The following NEDD9 variants were observed in gnomAD, a reference collection of about 807,000 sequenced individuals.
The protein encoded by NEDD9 is enhancer of filamentation 1.
In NEDD9, 26 loss-of-function variants were observed where a neutral mutation model predicts 76.6. The ratio of observed to expected loss-of-function variants is 0.34; its 90% CI spans 0.25 to 0.47. The LOEUF is 0.47. Ranked by LOEUF, NEDD9 falls within the 20% of genes least tolerant of loss-of-function variation. The probability of loss-of-function intolerance (pLI) is 1.00; values close to 1 mark genes in which losing one functional copy is unlikely to be tolerated. For synonymous variants in NEDD9, 392 were observed against 414.2 expected (o/e 0.95, Z 0.65); for missense variants, 937 against 1,058.5 (o/e 0.89, Z 1.59).
chr6:11,325,237 C>A (rs972056720), intron 2 of NEDD9, among the ~76,000 whole-genome samples: 8 of 151,974 alleles, frequency 5.3e-5, no homozygotes, highest in Non-Finnish European at 1.5e-5. Flanking sequence ...TGCCTGTAAT[C>A]CCAGCTACTC....
At chr6:11,305,802 G>T (rs1761170079) in intron 3 of NEDD9, 1 of 646,772 alleles carries the variant, frequency 1.5e-6, no homozygotes, top group African/African-American at 1.8e-5. Context: ...GGGCATCAGT[G>T]CATCCATGTA....
Position 11,190,793 on chromosome 6 carries a change from C to G in NEDD9, c.1076G>C (p.Arg359Pro), listed in dbSNP as rs376501953. 6.2e-7 allele frequency: 1 copy of G among 1,614,134 alleles called. No homozygotes were observed. Among genetic ancestry groups the G allele is most frequent in the Middle Eastern group, 1.6e-4 (1 of 6,062 alleles). Reference sequence around the variant, plus strand: ...TCGGTTGATCCCATCCACCAAGTCCCGAGAGCCTTTAGCATCTGGCGGGTT... The same window carrying G: ...TCGGTTGATCCCATCCACCAAGTCCGGAGAGCCTTTAGCATCTGGCGGGTT... ...LHNPPDAKGS[R>P]DLVDGINRLS... The change falls in exon 5 of 7, where the codon CGG becomes CCG. Residue 359 changes from arginine (R) to proline (P), a missense_variant. Arg to Pro is a moderately radical substitution (Grantham distance 103, BLOSUM62 -2). Transcript: ENST00000379446. This position sits in a 1 kb window ranked among gnomAD's most constrained non-coding sequence, Gnocchi z 5.8.
At position 11,252,889 on chromosome 6, in the gene NEDD9, T is replaced by C. The variant is rs571351932; in HGVS notation, c.13-39162A>G. Among the ~76,000 whole-genome samples, 82 of 152,328 alleles carry C rather than the reference T, an allele frequency of 5.4e-4. No individual in the cohort carries two copies. The highest frequency in any genetic ancestry group is 1.9e-3 in the African/African-American group (77 of 41,586). ...CACAGAAATGGAAGTGATAGGAATG[T>C]ATTTTTTTTTTCTCCTAAACTTCAA... is the stretch of plus-strand genomic sequence containing the variant. On this transcript the variant is annotated intron_variant, in intron 3 of 3. Coordinates refer to the NEDD9 transcript ENST00000397378. The surrounding 1 kb of genome is among the most constrained non-coding windows in gnomAD (Gnocchi z 4.3).
chr6:11,197,252 C>CTT lies in NEDD9; in HGVS notation c.460-3562_460-3561dup, dbSNP rs34890588. Among the ~76,000 whole-genome samples, 42 of 144,580 alleles carry CTT rather than the reference C, an allele frequency of 2.9e-4. No individual in the cohort carries two copies. In the East Asian group the frequency reaches 3.8e-3, roughly 13 times the overall value. 94.9% of individuals were successfully genotyped at this position (144,580 alleles called of 152,430 possible). A position where few individuals can be genotyped will look rare whatever the true frequency, so the allele number is the denominator to read the frequency against. On this transcript the variant is annotated intron_variant, in intron 2 of 6. Coordinates refer to ENST00000379446, the MANE Select transcript of NEDD9 (RefSeq NM_006403.4). ...TTCATTTCCTTTCCCCCTCTGTTTGCTTTTTTTTTTTTCTACATTCCTTTC... is the reference window on the plus strand; with the variant it reads ...TTCATTTCCTTTCCCCCTCTGTTTGCTTTTTTTTTTTTTTCTACATTCCTTTC...
At chr6:11,254,862 T>C (rs941495908) in intron 3 of NEDD9, among the ~76,000 whole-genome samples, 50 of 152,340 alleles carry the variant, frequency 3.3e-4, no homozygotes, top group African/African-American at 1.2e-3. Context: ...TTTGGTGTGA[T>C]CTTAAAGTTG....
intron 3 of NEDD9, among the ~76,000 whole-genome samples, chr6:11,291,788 G>T (rs1013069069): frequency 4.6e-5 from 7 of 152,092 alleles, no homozygotes; most frequent in African/African-American, 1.7e-4. Context: ...TCTTAGAAAC[G>T]AATAAAGGCA....
chr6:11,267,798 A>C (rs1221226834), intron 3 of NEDD9, among the ~76,000 whole-genome samples: 1 of 152,208 alleles, frequency 6.6e-6, no homozygotes, highest in African/African-American at 2.4e-5. Context: ...CCAGTTCTCC[A>C]ATAAACTAAT....
At chr6:11,293,337 T>C (rs996594634) in intron 3 of NEDD9, among the ~76,000 whole-genome samples, 1 of 152,184 alleles carries the variant, frequency 6.6e-6, no homozygotes, top group African/African-American at 2.4e-5. Context: ...CAGACCTTTC[T>C]GGCGCCACAG....
In NEDD9 at chr6:11,303,615, T is replaced by C. The variant is rs559565358; in HGVS notation, c.12+2377A>G. Among the ~76,000 whole-genome samples the C allele has an allele frequency of 3.9e-5, 6 of 152,122 alleles. No individual in the cohort carries two copies. In the South Asian group the frequency reaches 1.2e-3, roughly 32 times the overall value. On this transcript the variant is annotated intron_variant, in intron 3 of 3. Transcript: ENST00000397378. ...TGGTACTGGTACCAAAACAGATATA[T>C]AGATCAATGGAACAGAACAGAGGCC...
intron 2 of NEDD9, among the ~76,000 whole-genome samples, chr6:11,323,451 C>G (rs1761855140): frequency 6.6e-6 from 1 of 152,238 alleles, no homozygotes. Context: ...CTCATGGGCT[C>G]AAAGTCACAG....
At chr6:11,233,460 A>G (rs1403087976), upstream of NEDD9, 1 of 518,800 alleles carries the variant, frequency 1.9e-6, no homozygotes, top group Non-Finnish European at 3.8e-6. Flanking sequence ...ATACATCATC[A>G]CCGTCCACTG....
chr6:11,185,473 A>C lies in NEDD9; in HGVS notation c.2194T>G (p.Cys732Gly). 6.2e-7 allele frequency: 1 copy of C among 1,614,236 alleles called. No homozygotes were observed. The highest frequency in any genetic ancestry group is 8.5e-7 in the Non-Finnish European group (1 of 1,180,044). ...CGCGGGGGCTGGGCTGAGCTGACAC[A>C]ACTGAAGAGTGCGTCAATGGCGTTG... ...LLNAIDALFSCVSSAQPPRIF... is the reference protein window; with the variant it reads ...LLNAIDALFSGVSSAQPPRIF... The change falls in exon 7 of 7, where the codon TGT becomes GGT. Residue 732 changes from cysteine (C) to glycine (G), a missense_variant. Transcript: ENST00000379446.
intron 2 of NEDD9, among the ~76,000 whole-genome samples, chr6:11,195,243 A>G (rs1758261437): frequency 6.6e-6 from 1 of 152,210 alleles, no homozygotes; most frequent in Non-Finnish European, 1.5e-5. Flanking sequence ...GCAACGAAGT[A>G]AAAGAGATTA....
intron 1 of NEDD9, among the ~76,000 whole-genome samples, chr6:11,228,320 C>A (rs887819158): frequency 6.6e-6 from 1 of 152,076 alleles, no homozygotes; most frequent in Non-Finnish European, 1.5e-5. Flanking sequence ...CACCTGAGGT[C>A]AAGAGTTCGA....
chr6:11,315,176 G>A (rs942163580), intron 2 of NEDD9, among the ~76,000 whole-genome samples: 3 of 152,212 alleles, frequency 2.0e-5, no homozygotes, highest in African/African-American at 4.8e-5. Flanking sequence ...GTCTTCCTTA[G>A]CAACTTTATT....
intron 2 of NEDD9, among the ~76,000 whole-genome samples, chr6:11,332,557 G>A (rs9468868): frequency 0.031 from 4,715 of 152,234 alleles, 235 homozygotes; most frequent in African/African-American, 0.11. Context: ...AATCATACAT[G>A]CCTTCTCTAC....
chr6:11,379,273 C>T lies in NEDD9; in HGVS notation c.-214+2866G>A, dbSNP rs533913265. On this transcript the variant is annotated intron_variant, in intron 1 of 3. Transcript: ENST00000397378. Reference sequence around the variant, plus strand: ...TTCTGTGTGCTGTCAGGACTGTCAGCAACGTTTTTTTCTTTAAATTAACTC... The same window carrying T: ...TTCTGTGTGCTGTCAGGACTGTCAGTAACGTTTTTTTCTTTAAATTAACTC... Among the ~76,000 whole-genome samples the T allele has an allele frequency of 4.5e-3, 420 of 93,970 alleles. 5 individuals are homozygous for T. The highest frequency in any genetic ancestry group is 6.7e-3 in the East Asian group (12 of 1,788). 61.6% of individuals were successfully genotyped at this position (93,970 alleles called of 152,430 possible). A position where few individuals can be genotyped will look rare whatever the true frequency, so the allele number is the denominator to read the frequency against.
intron 1 of NEDD9, among the ~76,000 whole-genome samples, chr6:11,372,502 T>C (rs1373098289): frequency 6.6e-6 from 1 of 152,190 alleles, no homozygotes; most frequent in African/African-American, 2.4e-5. Flanking sequence ...TTTCCTTTCT[T>C]TTGGGTATAT....
At chr6:11,232,950 A>G (rs907589524), upstream of NEDD9, among the ~76,000 whole-genome samples, 1 of 151,938 alleles carries the variant, frequency 6.6e-6, no homozygotes, top group African/African-American at 2.4e-5. Flanking sequence ...TCTTTTTAAG[A>G]TTAACCCAAA....
Sources: gnomAD v4.1 joint callset for allele counts (sites outside exome capture counted in the v4.1 genomes callset) on GRCh38, gnomAD v4.1.1 for gene constraint, Gnocchi (gnomAD v3.1) non-coding constraint, MANE v1.5 for transcripts, NCBI Gene and HGNC (gene_info 2026-07-23, HGNC 2026-07-21) for gene names.